RHOBTB1: variants seen among roughly 807,000 people sequenced by gnomAD.
RHOBTB1 encodes rho-related BTB domain-containing protein 1.
A neutral mutation model predicts 71.6 loss-of-function variants in RHOBTB1; 40 were observed. That is an observed-to-expected ratio of 0.56 (90% confidence interval 0.43 to 0.73). The LOEUF (loss-of-function observed/expected upper bound fraction) is 0.73, where lower values mean the gene tolerates loss of function less well. Ranked by LOEUF, RHOBTB1 falls within the 30% of genes least tolerant of loss-of-function variation. RHOBTB1 has a pLI of 0.00. For synonymous variants in RHOBTB1, 319 were observed against 334.9 expected, an observed-to-expected ratio of 0.95 and a Z score of 0.52; for missense variants, 797 against 894.0, an observed-to-expected ratio of 0.89 and a Z score of 1.38.
intron 2 of RHOBTB1, among the ~76,000 whole-genome samples, chr10:60,923,897 A>G (rs1006448066): frequency 3.3e-4 from 50 of 152,208 alleles, no homozygotes; most frequent in Non-Finnish European, 4.4e-4. Flanking sequence ...GAGTCCATGA[A>G]ACCTCATTTT....
At chr10:60,965,821 G>C (rs1235355530) in intron 2 of RHOBTB1, among the ~76,000 whole-genome samples, 1 of 152,064 alleles carries the variant, frequency 6.6e-6, no homozygotes, top group Non-Finnish European at 1.5e-5. Context: ...TTCATTTTCT[G>C]CTAACCTCAG....
intron 7 of RHOBTB1, among the ~76,000 whole-genome samples, chr10:60,878,864 G>A (rs139622405): frequency 1.6e-3 from 248 of 152,350 alleles, no homozygotes; most frequent in Non-Finnish European, 3.0e-3. Flanking sequence ...TGTACACTGC[G>A]TAGCAGCTAC....
chr10:60,900,844 G>A (rs534953497), intron 4 of RHOBTB1, among the ~76,000 whole-genome samples: 5 of 152,162 alleles, frequency 3.3e-5, no homozygotes, highest in South Asian at 4.2e-4. Context: ...TCTGGTATAC[G>A]GCAGAGGTTA....
At chr10:60,872,086 G>T in intron 10 of RHOBTB1, 99 bp downstream of exon 10, 2 of 878,468 alleles carry the variant, frequency 2.3e-6, no homozygotes, top group Non-Finnish European at 3.9e-6. Flanking sequence ...TCATCCATGA[G>T]CTGCCTGCTG....
the RHOBTB1 span, among the ~76,000 whole-genome samples, chr10:60,863,857 G>T: frequency 6.6e-6 from 1 of 152,042 alleles, no homozygotes; most frequent in Non-Finnish European, 1.5e-5. Flanking sequence ...ACTTGTCTGG[G>T]TGCCCCTTCC....
intron 10 of RHOBTB1, 97 bp downstream of exon 10, chr10:60,872,088 T>G (rs1265450496): frequency 3.4e-6 from 3 of 893,712 alleles, no homozygotes; most frequent in Non-Finnish European, 3.8e-6. Flanking sequence ...ATCCATGAGC[T>G]GCCTGCTGAC....
intron 2 of RHOBTB1, among the ~76,000 whole-genome samples, chr10:60,955,202 T>A (rs1484164914): frequency 6.6e-6 from 1 of 151,782 alleles, no homozygotes; most frequent in Admixed American, 6.6e-5. Context: ...GCACCACCAC[T>A]TCCAGCTAAT....
intron 2 of RHOBTB1, among the ~76,000 whole-genome samples, chr10:60,966,847 C>G (rs1259806753): frequency 6.7e-6 from 1 of 149,062 alleles, no homozygotes; most frequent in African/African-American, 2.5e-5. Flanking sequence ...CTCCCCCCAC[C>G]CCACAACAGG....
intron 1 of RHOBTB1, among the ~76,000 whole-genome samples, chr10:60,993,493 G>C (rs1356156724): frequency 6.6e-6 from 1 of 152,102 alleles, no homozygotes. Context: ...AGGCATAACT[G>C]ATTTTTTTCT....
At chr10:60,894,730 C>T (rs972107077) in intron 4 of RHOBTB1, among the ~76,000 whole-genome samples, 4 of 152,042 alleles carry the variant, frequency 2.6e-5, no homozygotes, top group African/African-American at 9.7e-5. Context: ...ATCTGAGGTT[C>T]AAAATTATAC....
intron 2 of RHOBTB1, among the ~76,000 whole-genome samples, chr10:60,928,459 G>C (rs187615193): frequency 6.6e-6 from 1 of 151,976 alleles, no homozygotes; most frequent in South Asian, 2.1e-4. Flanking sequence ...AAGAAATCCT[G>C]TTGTTTGAAA....
chr10:60,906,173 A>G (rs10821856), intron 4 of RHOBTB1, among the ~76,000 whole-genome samples: 9,107 of 152,318 alleles, frequency 0.06, 388 homozygotes, highest in South Asian at 0.09. Context: ...AAGGGCAAGT[A>G]CAGTGGTTCT....
intron 2 of RHOBTB1, among the ~76,000 whole-genome samples, chr10:60,930,541 A>C (rs2084182259): frequency 6.6e-6 from 1 of 152,168 alleles, no homozygotes; most frequent in Admixed American, 6.5e-5. Flanking sequence ...ACCCAAATAA[A>C]ATTGGGCCTC....
Position 60,928,570 on chromosome 10 carries a change from A to C in RHOBTB1, c.-11+13234T>G, listed in dbSNP as rs2084031490. Among the ~76,000 whole-genome samples the C allele has an allele frequency of 1.3e-5, 2 of 151,946 alleles. 1 individual carries two copies. The highest frequency in any genetic ancestry group is 2.9e-5 in the Non-Finnish European group (2 of 67,970). The stretch of plus-strand genomic sequence containing the variant: ...CACTCATATACAGGAGCTCCAAAAA[A>C]TTTGAGCTCATGGAAGTAGAGAATA... On this transcript the variant is annotated intron_variant, in intron 2 of 10. Transcript: ENST00000337910.
At chr10:60,953,482 A>C (rs139288389) in intron 2 of RHOBTB1, among the ~76,000 whole-genome samples, 4 of 152,322 alleles carry the variant, frequency 2.6e-5, no homozygotes, top group Non-Finnish European at 2.9e-5. Context: ...TACCTAAGCG[A>C]CTTTTGTCTT....
At chr10:60,959,266 A>C (rs1317062544) in intron 2 of RHOBTB1, among the ~76,000 whole-genome samples, 1 of 152,218 alleles carries the variant, frequency 6.6e-6, no homozygotes, top group Middle Eastern at 3.2e-3. Context: ...TTTATGAAAC[A>C]GTCACAGTTC....
At chr10:60,958,995 A>G (rs1390658720) in intron 2 of RHOBTB1, among the ~76,000 whole-genome samples, 1 of 152,158 alleles carries the variant, frequency 6.6e-6, no homozygotes, top group Non-Finnish European at 1.5e-5. Flanking sequence ...GTCTCCAGTG[A>G]GCCCTGCCTC....
intron 5 of RHOBTB1, among the ~76,000 whole-genome samples, chr10:60,892,563 T>C (rs1291699139): frequency 1.3e-5 from 2 of 152,236 alleles, no homozygotes; most frequent in East Asian, 1.9e-4. Flanking sequence ...CACACTTTCA[T>C]AATTAGAGAA....
chr10:60,965,704 T>C (rs530731831), intron 2 of RHOBTB1, among the ~76,000 whole-genome samples: 4 of 152,298 alleles, frequency 2.6e-5, no homozygotes, highest in Admixed American at 1.3e-4. Flanking sequence ...TCAGGATTTT[T>C]CCATTACCTT....
Sources: gnomAD v4.1 joint callset for allele counts (sites outside exome capture counted in the v4.1 genomes callset) on GRCh38, gnomAD v4.1.1 for gene constraint, MANE v1.5 for transcripts, NCBI Gene and HGNC (gene_info 2026-07-23, HGNC 2026-07-21) for gene names.